Variants in LRRC4C observed in about 807,000 individuals in gnomAD.
LRRC4C encodes leucine rich repeat containing 4C, also known as leucine-rich repeat-containing protein 4C.
LRRC4C carries 5 observed loss-of-function variants against 33.6 expected under a neutral mutation model. That is an observed-to-expected ratio of 0.15 (90% CI 0.08 to 0.31). The LOEUF is 0.31. LRRC4C is among the 10% of genes least tolerant of loss of function. LRRC4C has a pLI of 1.00. For missense variants in LRRC4C, 560 were observed against 796.7 expected, an observed-to-expected ratio of 0.70 and a Z score of 3.58; for synonymous variants, 329 against 302.0, an observed-to-expected ratio of 1.09 and a Z score of -0.93.
At chr11:40,188,172 A>G (rs191147065) in intron 5 of LRRC4C, among the ~76,000 whole-genome samples, 81 of 152,332 alleles carry the variant, frequency 5.3e-4, no homozygotes, top group African/African-American at 1.8e-3. Flanking sequence ...AAATCAAATG[A>G]TATTGTTTCT....
intron 3 of LRRC4C, among the ~76,000 whole-genome samples, chr11:40,468,258 G>A (rs184211966): frequency 6.6e-6 from 1 of 152,138 alleles, no homozygotes; most frequent in African/African-American, 2.4e-5. Flanking sequence ...TTTAAAAATT[G>A]TCTAAATCTG....
chr11:40,584,026 AGG>A, intron 3 of LRRC4C, among the ~76,000 whole-genome samples: 1 of 151,454 alleles, frequency 6.6e-6, no homozygotes, highest in South Asian at 2.1e-4. Context: ...CAAAGAGATC[AGG>A]GACGGAAGAA....
intron 5 of LRRC4C, among the ~76,000 whole-genome samples, chr11:40,198,781 A>G (rs1862472623): frequency 6.6e-6 from 1 of 152,176 alleles, no homozygotes; most frequent in African/African-American, 2.4e-5. Flanking sequence ...TAATAAATGG[A>G]GTCAATCTGG....
chr11:41,447,151 C>T (rs1955851448), intron 1 of LRRC4C, among the ~76,000 whole-genome samples: 1 of 152,166 alleles, frequency 6.6e-6, no homozygotes, highest in Admixed American at 6.5e-5. Flanking sequence ...AACAGGACTG[C>T]ATCTTCTCAC....
chr11:40,437,630 G>A (rs1951199363), intron 3 of LRRC4C, among the ~76,000 whole-genome samples: 1 of 152,150 alleles, frequency 6.6e-6, no homozygotes, highest in South Asian at 2.1e-4. Flanking sequence ...CTGACCTCTG[G>A]TGATCCACAC....
At chr11:40,474,952 A>G (rs1294055608) in intron 3 of LRRC4C, among the ~76,000 whole-genome samples, 1 of 152,228 alleles carries the variant, frequency 6.6e-6, no homozygotes, top group Non-Finnish European at 1.5e-5. Context: ...TCAGGAAACA[A>G]CAGATACTGC....
intron 6 of LRRC4C, among the ~76,000 whole-genome samples, chr11:40,120,762 G>C (rs539451629): frequency 6.6e-6 from 1 of 152,220 alleles, no homozygotes; most frequent in East Asian, 1.9e-4. Flanking sequence ...TCTGCCGTTT[G>C]CTACCTTTTT....
At chr11:41,263,633 T>C (rs894346375) in intron 1 of LRRC4C, among the ~76,000 whole-genome samples, 12 of 152,178 alleles carry the variant, frequency 7.9e-5, no homozygotes, top group African/African-American at 2.9e-4. Flanking sequence ...GCTTTGAGTA[T>C]TTAATATTTT....
intron 1 of LRRC4C, among the ~76,000 whole-genome samples, chr11:41,400,268 G>A (rs1456295128): frequency 5.3e-5 from 8 of 151,936 alleles, no homozygotes; most frequent in Non-Finnish European, 7.4e-5. Flanking sequence ...AGTTAAAAGT[G>A]CATATAACGT....
intron 3 of LRRC4C, among the ~76,000 whole-genome samples, chr11:40,424,456 T>G (rs971310567): frequency 6.6e-6 from 1 of 152,210 alleles, no homozygotes; most frequent in African/African-American, 2.4e-5. Context: ...AAGAATTGTT[T>G]TGCAGTTATT....
At chr11:40,763,742 A>G (rs370901008) in intron 2 of LRRC4C, among the ~76,000 whole-genome samples, 1 of 152,192 alleles carries the variant, frequency 6.6e-6, no homozygotes, top group East Asian at 1.9e-4. Flanking sequence ...ATTGAGCCAG[A>G]GCTCAAGGGG....
At chr11:40,266,413 G>A (rs1266908765) in intron 4 of LRRC4C, among the ~76,000 whole-genome samples, 5 of 152,170 alleles carry the variant, frequency 3.3e-5, no homozygotes, top group Admixed American at 1.3e-4. Flanking sequence ...GCTGCAGTGA[G>A]TCTTGATTGT....
intron 3 of LRRC4C, among the ~76,000 whole-genome samples, chr11:40,355,320 C>T (rs1947608247): frequency 2.0e-5 from 3 of 152,114 alleles, no homozygotes; most frequent in Non-Finnish European, 4.4e-5. Flanking sequence ...CCTTAGCCAC[C>T]ACTGCTGGTG....
chr11:40,269,952 T>C (rs892340306), intron 4 of LRRC4C, among the ~76,000 whole-genome samples: 1 of 152,140 alleles, frequency 6.6e-6, no homozygotes, highest in Non-Finnish European at 1.5e-5. Flanking sequence ...AGAAGGAAGT[T>C]AGATTACCTG....
At chr11:40,532,777 ATTCTCT>A (rs1414318790) in intron 3 of LRRC4C, among the ~76,000 whole-genome samples, 1 of 152,134 alleles carries the variant, frequency 6.6e-6, no homozygotes, top group Non-Finnish European at 1.5e-5. Flanking sequence ...GTATTAATCC[ATTCTCT>A]CACTGTTATA....
Position 41,088,353 on chromosome 11 carries a change from G to T in LRRC4C, c.-495-154630C>A, listed in dbSNP as rs551062102. Among the ~76,000 whole-genome samples, 4 of 152,096 alleles carry T rather than the reference G, an allele frequency of 2.6e-5. No individual in the cohort carries two copies. In the East Asian group the frequency reaches 7.7e-4, roughly 29 times the overall value. ...TATTTTCTTGTTTTTGATTTTTTAAGAAAATATTAAAGGAGATTGTATGTA... is the reference window on the plus strand; with the variant it reads ...TATTTTCTTGTTTTTGATTTTTTAATAAAATATTAAAGGAGATTGTATGTA... On this transcript the variant is annotated intron_variant, in intron 1 of 6. Coordinates refer to ENST00000528697, the MANE Select transcript of LRRC4C (RefSeq NM_001258419.2).
intron 3 of LRRC4C, among the ~76,000 whole-genome samples, chr11:40,555,974 A>G (rs530358141): frequency 3.3e-5 from 5 of 152,300 alleles, no homozygotes; most frequent in African/African-American, 1.2e-4. Context: ...AGAACCAAGG[A>G]TAATAAAATT....
chr11:41,011,582 G>T (rs945177266), intron 1 of LRRC4C, among the ~76,000 whole-genome samples: 3 of 151,854 alleles, frequency 2.0e-5, no homozygotes, highest in Non-Finnish European at 2.9e-5. Context: ...TTAACAAAGG[G>T]TGTATGGTTA....
intron 3 of LRRC4C, among the ~76,000 whole-genome samples, chr11:40,346,683 TGTGCCCC>T (rs1947147186): frequency 6.6e-6 from 1 of 152,196 alleles, no homozygotes; most frequent in Non-Finnish European, 1.5e-5. Context: ...AACCTGCACA[TGTGCCCC>T]TGAACTTAAA....
Sources: allele counts gnomAD v4.1 joint callset (sites outside exome capture counted in the v4.1 genomes callset), GRCh38; gene constraint gnomAD v4.1.1; transcripts MANE v1.5; gene names NCBI Gene and HGNC (gene_info 2026-07-23, HGNC 2026-07-21).